SCN4A: variants seen among roughly 807,000 people sequenced by gnomAD.
SCN4A encodes the protein sodium voltage-gated channel alpha subunit 4, also known as sodium channel protein type 4 subunit alpha.
SCN4A carries 83 observed loss-of-function variants against 162.0 expected under a neutral mutation model. That is an observed-to-expected ratio of 0.51 (90% confidence interval 0.43 to 0.61). The LOEUF is 0.61. Ranked by LOEUF, SCN4A falls within the 20% of genes least tolerant of loss-of-function variation. SCN4A has a pLI of 0.00. For synonymous variants in SCN4A, 944 were observed against 985.1 expected (o/e 0.96, Z 0.78); for missense variants, 2,196 against 2,462.5 (o/e 0.89, Z 2.29).
rs932053605 is a variant in SCN4A, at chr17:63,968,336, C to T, written c.723G>A (p.Gly241=). ...GCTTTTTCACCGACTGGATCAGGGCCCCCACGATCGTCTTCAGCCCTGACC... is the reference window on the plus strand; with the variant it reads ...GCTTTTTCACCGACTGGATCAGGGCTCCCACGATCGTCTTCAGCCCTGACC... ...TVIPGLKTIV[G]ALIQSVKKLS... Residue 241 remains glycine, a synonymous_variant, in exon 6 of 24, where the codon GGG becomes GGA. Transcript: ENST00000435607. 6 of 1,601,554 alleles carry T rather than the reference C, an allele frequency of 3.7e-6. No individual in the cohort carries two copies. In the Middle Eastern group the frequency reaches 5.0e-4, roughly 133 times the overall value.
chr17:63,965,574 C>T (rs140915048), intron 8 of SCN4A, among the ~76,000 whole-genome samples: 1,775 of 152,276 alleles, frequency 0.012, 26 homozygotes, highest in African/African-American at 0.042. Context: ...CTGCCACCTC[C>T]GCCTCCCGGG....
chr17:63,966,872 G>A (rs769734793), intron 6 of SCN4A, among the ~76,000 whole-genome samples: 1 of 152,240 alleles, frequency 6.6e-6, no homozygotes, highest in African/African-American at 2.4e-5. Context: ...AGTGAAGGGT[G>A]AGTGGGGGCT....
chr17:63,964,420 G>A (rs1032366637), intron 9 of SCN4A, 48 bp downstream of exon 9: 1 of 1,560,248 alleles, frequency 6.4e-7, no homozygotes, highest in Non-Finnish European at 8.8e-7. Flanking sequence ...CCCCGGCTGA[G>A]GGCAGGTAGA....
Position 63,951,653 on chromosome 17 carries a change from G to A in SCN4A, c.2624C>T (p.Pro875Leu). ...GGGCGGCTCCTTCTTCTCATCCTCGGGGGCAGTCTCCCCCGCCTCTCCAGC... is the reference window on the plus strand; with the variant it reads ...GGGCGGCTCCTTCTTCTCATCCTCGAGGGCAGTCTCCCCCGCCTCTCCAGC... ...GEAGEAGETA[P>L]EDEKKEPPEE... Residue 875 changes from proline (P) to leucine (L), a missense_variant, in exon 14 of 24, where the codon CCC (proline) becomes CTC (leucine). By Grantham distance (98) the Pro-to-Leu change is moderately conservative (BLOSUM62 -3). Coordinates refer to ENST00000435607, the MANE Select transcript of SCN4A (RefSeq NM_000334.4). The surrounding 1 kb of genome is among the most constrained non-coding windows in gnomAD (Gnocchi z 4.5). The A allele has an allele frequency of 1.2e-6, 2 of 1,601,746 alleles. No homozygotes were observed. Among genetic ancestry groups the A allele is most frequent in the Non-Finnish European group, 1.7e-6 (2 of 1,174,014 alleles).
At position 63,939,125 on chromosome 17, in the gene SCN4A, T is replaced by C. The variant is rs1338774736; in HGVS notation, c.*1646A>G. 6.5e-6 allele frequency: 1 copy of C among 152,748 alleles called. No individual in the cohort carries two copies. Among genetic ancestry groups the C allele is most frequent in the Non-Finnish European group, 1.5e-5 (1 of 68,074 alleles). The allele number at this position is 152,748 out of a possible 1,614,324, so 9.5% of individuals were successfully genotyped here. A position where few individuals can be genotyped will look rare whatever the true frequency, so the allele number is the denominator to read the frequency against. The stretch of plus-strand genomic sequence containing the variant: ...ACACACTCAAGCACACATACATGTC[T>C]TGTTTTGAAGGTTTTGCTGCTTCCT... On this transcript the variant is annotated 3_prime_UTR_variant, in exon 24 of 24. Transcript: ENST00000435607.
chr17:63,957,282 G>A lies in SCN4A; in HGVS notation c.2256C>T (p.Leu752=), dbSNP rs375596512. 1.9e-5 allele frequency: 31 copies of A among 1,614,020 alleles called. No individual in the cohort carries two copies. The highest frequency in any genetic ancestry group is 2.1e-5 in the Non-Finnish European group (25 of 1,179,992). ...WHMHDFFHSF[L]IVFRILCGEW... is the part of the protein sequence containing the mutation. ...CCCCGCACAGGATGCGGAAGACGATGAGGAAGGAGTGGAAGAAATCATGCA... is the reference window on the plus strand; with the variant it reads ...CCCCGCACAGGATGCGGAAGACGATAAGGAAGGAGTGGAAGAAATCATGCA... The change falls in exon 13 of 24, where the codon CTC becomes CTT. Residue 752 remains leucine, a synonymous_variant. Coordinates refer to ENST00000435607, the MANE Select transcript of SCN4A (RefSeq NM_000334.4).
chr17:63,968,729 G>A (rs1567828380), intron 5 of SCN4A, among the ~76,000 whole-genome samples: 1 of 152,236 alleles, frequency 6.6e-6, no homozygotes. Context: ...AGGGGGCGTT[G>A]ATAATGTTTG....
intron 13 of SCN4A, among the ~76,000 whole-genome samples, chr17:63,956,732 A>G (rs995874721): frequency 1.3e-5 from 2 of 152,270 alleles, no homozygotes; most frequent in Non-Finnish European, 2.9e-5. Flanking sequence ...ACTAGAGAGC[A>G]GCAGTTAGCT....
rs1183239167 is a variant in SCN4A, at chr17:63,950,433, A to AGGCCCC, written c.2854-911_2854-906dup. 2.6e-5 allele frequency among the ~76,000 whole-genome samples: 4 copies of AGGCCCC among 152,224 alleles called. No individual in the cohort carries two copies. Among genetic ancestry groups the AGGCCCC allele is most frequent in the South Asian group, 2.1e-4 (1 of 4,826 alleles). ...GCTCGCCCTCCTTGAACAAGTCCCC[A>AGGCCCC]GGCCCCGGCCCCGGCCCCGGGGAGC... is the stretch of plus-strand genomic sequence containing the variant. On this transcript the variant is annotated intron_variant, in intron 14 of 23. Coordinates refer to ENST00000435607, the MANE Select transcript of SCN4A (RefSeq NM_000334.4). The surrounding 1 kb of genome is among the most constrained non-coding windows in gnomAD (Gnocchi z 4.6).
In SCN4A at chr17:63,948,004, G is replaced by C; in HGVS notation, c.3204C>G (p.Ala1068=). Residue 1068 remains alanine (A), a synonymous_variant, in exon 17 of 24, where the codon GCC becomes GCG. Coordinates refer to ENST00000435607, the MANE Select transcript of SCN4A (RefSeq NM_000334.4). ...RRVIRTILEY[A]DKVFTYIFIM... ...TGAAGATGTAGGTGAAGACCTTGTC[G>C]GCATATTCTAGGATGGTGCGAATGA... The C allele has an allele frequency of 6.2e-7, 1 of 1,613,818 alleles. No individual in the cohort carries two copies. Among genetic ancestry groups the C allele is most frequent in the Non-Finnish European group, 8.5e-7 (1 of 1,179,774 alleles).
In SCN4A at chr17:63,951,839, G is replaced by A. The variant is rs748067563; in HGVS notation, c.2438C>T (p.Ser813Leu). 7 of 1,570,902 alleles carry A rather than the reference G, an allele frequency of 4.5e-6. No homozygotes were observed. The highest frequency in any genetic ancestry group is 2.3e-5 in the East Asian group (1 of 42,892). Residue 813 changes from serine to leucine, a missense_variant, in exon 14 of 24, where the codon TCG becomes TTG. By Grantham distance (145) the Ser-to-Leu change is moderately radical (BLOSUM62 -2). Coordinates refer to ENST00000435607, the MANE Select transcript of SCN4A (RefSeq NM_000334.4). The surrounding 1 kb of genome is among the most constrained non-coding windows in gnomAD (Gnocchi z 4.5). ...SSFSADSLAA[S>L]DEDGEMNNLQ... ...GTTGTTCATCTCGCCATCCTCATCC[G>A]AGGCTGCCAGACTGTCGGCGCTGAA...
At position 63,945,062 on chromosome 17, in the gene SCN4A, TGA is replaced by T. The variant is rs1160871673; in HGVS notation, c.3721-4_3721-3del. 2 of 1,613,274 alleles carry T rather than the reference TGA, an allele frequency of 1.2e-6. No individual in the cohort carries two copies. The highest frequency in any genetic ancestry group is 1.7e-6 in the Non-Finnish European group (2 of 1,179,644). Reference sequence around the variant, plus strand: ...GTCCATCCAACCCTTGAAGGTGGCCTGAGAGAGTGTGGTTGGGGAGTGAGCCG... The same window carrying T: ...GTCCATCCAACCCTTGAAGGTGGCCTGAGAGTGTGGTTGGGGAGTGAGCCG... On this transcript the variant is annotated splice_polypyrimidine_tract_variant and splice_region_variant and intron_variant, in intron 19 of 23. Transcript: ENST00000435607. The surrounding 1 kb of genome is among the most constrained non-coding windows in gnomAD (Gnocchi z 4.4).
chr17:63,967,889 C>CTCCAGCCTGGGTG, intron 6 of SCN4A, 134 bp downstream of exon 6: 1 of 760,896 alleles, frequency 1.3e-6, no homozygotes, highest in Non-Finnish European at 2.1e-6. Flanking sequence ...GCTGAGATGG[C>CTCCAGCCTGGGTG]ACCTTTGCAC....
Position 63,941,396 on chromosome 17 carries a change from G to C in SCN4A, c.4886C>G (p.Pro1629Arg). Reference protein sequence around the residue: ...MFYETWEKFDPDATQFIAYSR... With the variant: ...MFYETWEKFDRDATQFIAYSR... ...GTAGGCGATGAACTGGGTGGCGTCG[G>C]GGTCGAACTTCTCCCATGTCTCGTA... The change falls in exon 24 of 24, where the codon CCC (proline) becomes CGC (arginine). Residue 1629 changes from proline (P) to arginine (R), a missense_variant. Transcript: ENST00000435607. The surrounding 1 kb of genome is among the most constrained non-coding windows in gnomAD (Gnocchi z 6.2). 6.2e-7 allele frequency: 1 copy of C among 1,613,884 alleles called. No homozygotes were observed. Among genetic ancestry groups the C allele is most frequent in the Non-Finnish European group, 8.5e-7 (1 of 1,179,892 alleles).
In SCN4A at chr17:63,972,011, T is replaced by A; in HGVS notation, c.482+125A>T. On this transcript the variant is annotated intron_variant, in intron 3 of 23. Transcript: ENST00000435607. The surrounding 1 kb of genome is among the most constrained non-coding windows in gnomAD (Gnocchi z 4.3). ...GCATGGCCACCCCAGGGACTCAAGG[T>A]GTGGATGAGGGTCACAATGACAGTG... 9.6e-7 allele frequency: 1 copy of A among 1,038,108 alleles called. No individual in the cohort carries two copies. The highest frequency in any genetic ancestry group is 2.0e-5 in the Admixed American group (1 of 49,550). 64.3% of individuals were successfully genotyped at this position (1,038,108 alleles called of 1,614,324 possible). A position where few individuals can be genotyped will look rare whatever the true frequency, so the allele number is the denominator to read the frequency against.
At chr17:63,965,761 T>C (rs1188466381) in intron 8 of SCN4A, among the ~76,000 whole-genome samples, 1 of 152,188 alleles carries the variant, frequency 6.6e-6, no homozygotes, top group African/African-American at 2.4e-5. Context: ...TGCTGGGATT[T>C]CAGGCGTGAG....
chr17:63,957,631 C>A, intron 12 of SCN4A, 113 bp from the exon 13 acceptor site: 1 of 668,308 alleles, frequency 1.5e-6, no homozygotes, highest in South Asian at 1.9e-5. Context: ...GCCCCCCACA[C>A]CATCTGAGTC....
chr17:63,948,794 GC>G, intron 15 of SCN4A, 29 bp from the exon 16 acceptor site: 1 of 1,571,922 alleles, frequency 6.4e-7, no homozygotes, highest in Non-Finnish European at 8.7e-7. Flanking sequence ...ACAGGGACAG[GC>G]ACCACATCAT....
At chr17:63,969,727 T>C (rs1218491024) in intron 5 of SCN4A, among the ~76,000 whole-genome samples, 2 of 152,030 alleles carry the variant, frequency 1.3e-5, no homozygotes, top group Non-Finnish European at 2.9e-5. Flanking sequence ...CACTGCAACT[T>C]CTGCCTCCTC....
Sources: allele counts gnomAD v4.1 joint callset (sites outside exome capture counted in the v4.1 genomes callset), GRCh38; gene constraint gnomAD v4.1.1; non-coding constraint Gnocchi (gnomAD v3.1); transcripts MANE v1.5; gene names NCBI Gene and HGNC (gene_info 2026-07-23, HGNC 2026-07-21).